Variants in LRBA observed in about 807,000 individuals in gnomAD.
The protein encoded by LRBA is LPS responsive beige-like anchor protein.
Under a neutral mutation model 330.0 loss-of-function variants are expected in LRBA, and 176 were observed. The observed-to-expected ratio is 0.53, with a 90% CI of 0.47 to 0.60. The LOEUF (loss-of-function observed/expected upper bound fraction) is 0.60. LRBA is among the 20% of genes least tolerant of loss of function. The probability of loss-of-function intolerance (pLI) is 0.00; values close to 1 mark genes in which losing one functional copy is unlikely to be tolerated. For missense variants in LRBA, 3,259 were observed against 3,444.8 expected, an observed-to-expected ratio of 0.95 and a Z score of 1.35; for synonymous variants, 1,230 against 1,193.0, an observed-to-expected ratio of 1.03 and a Z score of -0.64.
intron 22 of LRBA, among the ~76,000 whole-genome samples, chr4:150,865,643 G>A (rs1752583107): frequency 6.6e-6 from 1 of 151,648 alleles, no homozygotes; most frequent in South Asian, 2.1e-4. Context: ...TGAATAATTT[G>A]TAGGAACTTT....
chr4:150,619,581 A>G (rs996339742), intron 37 of LRBA, among the ~76,000 whole-genome samples: 2 of 152,166 alleles, frequency 1.3e-5, no homozygotes, highest in Non-Finnish European at 2.9e-5. Flanking sequence ...ACCATCTTGT[A>G]ACAGTCTATT....
chr4:151,004,839 A>G (rs1743817286), intron 2 of LRBA, among the ~76,000 whole-genome samples: 1 of 152,092 alleles, frequency 6.6e-6, no homozygotes, highest in African/African-American at 2.4e-5. Context: ...ACAAAAAATT[A>G]GCCAGGCATG....
chr4:150,761,809 AG>A lies in LRBA; in HGVS notation c.5618del (p.Ala1873ValfsTer16). On this transcript the variant is annotated frameshift_variant, in exon 35 of 57. Coordinates refer to ENST00000651943, the MANE Select transcript of LRBA (RefSeq NM_001364905.1). LOFTEE classifies it high-confidence loss of function. The part of the protein sequence containing the change: ...QNSIQKNAGL[A>X]FIELVNEGRL... ...TTCCTTCATTGACAAGTTCGATAAA[AG>A]CAAGGCCTGCATTCTTCTGAATAGA... 1 of 1,550,994 alleles carries A rather than the reference AG, an allele frequency of 6.4e-7. No homozygotes were observed. Among genetic ancestry groups the A allele is most frequent in the Non-Finnish European group, 8.7e-7 (1 of 1,154,846 alleles).
At position 150,350,300 on chromosome 4, in the gene LRBA, A is replaced by G. The variant is rs13145548; in HGVS notation, c.7195-141T>C. 0.61 allele frequency: 377,577 copies of G among 621,082 alleles called. 116,578 individuals carry two copies. Among genetic ancestry groups the G allele is most frequent in the Non-Finnish European group, 0.64 (248,768 of 389,528 alleles). 38.5% of individuals were successfully genotyped at this position (621,082 alleles called of 1,614,324 possible). A position where few individuals can be genotyped will look rare whatever the true frequency, so the allele number is the denominator to read the frequency against. ...AAAAACAAAACTTGTGGCCGGGCGC[A>G]GTGGCTCACGCCTATAATCCCAGCA... On this transcript the variant is annotated intron_variant, in intron 47 of 56. Transcript: ENST00000651943.
At chr4:150,481,892 G>C (rs531295630) in intron 42 of LRBA, among the ~76,000 whole-genome samples, 1 of 152,112 alleles carries the variant, frequency 6.6e-6, no homozygotes, top group African/African-American at 2.4e-5. Context: ...ATTAATATTT[G>C]CTTAAAAGTA....
chr4:150,829,814 T>C (rs74405400), intron 29 of LRBA, among the ~76,000 whole-genome samples: 9,139 of 63,548 alleles, frequency 0.14, 837 homozygotes, highest in African/African-American at 0.29. Flanking sequence ...CTACAACTTA[T>C]CTTACATGTC....
At chr4:150,368,100 G>A (rs1739729191) in intron 47 of LRBA, among the ~76,000 whole-genome samples, 1 of 152,092 alleles carries the variant, frequency 6.6e-6, no homozygotes, top group Admixed American at 6.6e-5. Flanking sequence ...AATAACTCAA[G>A]GGGGTTAATC....
chr4:150,550,820 A>G (rs1766489137), intron 40 of LRBA, among the ~76,000 whole-genome samples: 1 of 152,232 alleles, frequency 6.6e-6, no homozygotes, highest in African/African-American at 2.4e-5. Context: ...CACGGAAAAT[A>G]GTTCTTTAAC....
intron 47 of LRBA, among the ~76,000 whole-genome samples, chr4:150,393,335 T>C (rs891226159): frequency 1.0e-4 from 15 of 147,166 alleles, no homozygotes; most frequent in Non-Finnish European, 1.8e-4. Context: ...GCTAAAATCT[T>C]TTTTTTTTTT....
intron 2 of LRBA, among the ~76,000 whole-genome samples, chr4:150,966,178 A>G (rs553192060): frequency 6.6e-6 from 1 of 152,336 alleles, no homozygotes; most frequent in East Asian, 1.9e-4. Flanking sequence ...ACTGCAGTGG[A>G]AGATGGTAGA....
At chr4:150,423,778 G>GGTTA (rs1000484151) in intron 46 of LRBA, 3 of 163,290 alleles carry the variant, frequency 1.8e-5, no homozygotes, top group African/African-American at 7.2e-5. Context: ...CGCCCCTGTA[G>GGTTA]GTTAGTTCTT....
chr4:150,664,393 G>A (rs551300457), intron 37 of LRBA, among the ~76,000 whole-genome samples: 1 of 152,242 alleles, frequency 6.6e-6, no homozygotes, highest in Admixed American at 6.5e-5. Context: ...AACAGACCAG[G>A]AAATGTATAA....
At chr4:150,544,140 T>C (rs76808377) in intron 40 of LRBA, among the ~76,000 whole-genome samples, 13 of 151,848 alleles carry the variant, frequency 8.6e-5, no homozygotes, top group African/African-American at 2.9e-4. Context: ...TTTTTTTTTT[T>C]CTTTCAAGAC....
chr4:150,583,618 C>T lies in LRBA; in HGVS notation c.6330+4430G>A, dbSNP rs751526142. On this transcript the variant is annotated intron_variant, in intron 40 of 56. Transcript: ENST00000651943. The surrounding 1 kb of genome is among the most constrained non-coding windows in gnomAD (Gnocchi z 9.8). ...TATGCCCCACATCCCTTGGCCCGGC[C>T]CCAATCGGGTGGCCGAGGTCAAGGC... 3.7e-6 allele frequency: 6 copies of T among 1,614,006 alleles called. No homozygotes were observed. The Admixed American group carries it at 6.7e-5, about 18-fold the overall frequency.
At chr4:150,452,498 T>G (rs1753472810) in intron 44 of LRBA, among the ~76,000 whole-genome samples, 1 of 151,928 alleles carries the variant, frequency 6.6e-6, no homozygotes, top group Non-Finnish European at 1.5e-5. Context: ...GGTGTGCACC[T>G]ATAGTGTCAG....
At chr4:150,801,097 T>A (rs1741545494) in intron 33 of LRBA, among the ~76,000 whole-genome samples, 1 of 152,266 alleles carries the variant, frequency 6.6e-6, no homozygotes, top group East Asian at 1.9e-4. Context: ...TTGTTTTTTG[T>A]ATTTAAGTCA....
chr4:150,936,038 C>T (rs1735049424), intron 2 of LRBA, among the ~76,000 whole-genome samples: 1 of 149,790 alleles, frequency 6.7e-6, no homozygotes. Context: ...AAGACATGAA[C>T]AGTCAATTCA....
chr4:150,840,234 G>C (rs1354108509), intron 28 of LRBA, among the ~76,000 whole-genome samples: 1 of 152,152 alleles, frequency 6.6e-6, no homozygotes, highest in Non-Finnish European at 1.5e-5. Context: ...TTGCTCACTG[G>C]AGTAATCGTT....
At chr4:150,413,621 T>C (rs1443817986) in intron 47 of LRBA, among the ~76,000 whole-genome samples, 1 of 152,166 alleles carries the variant, frequency 6.6e-6, no homozygotes, top group South Asian at 2.1e-4. Flanking sequence ...GAGCCGGCAG[T>C]GGAAGCAGAG....
Sources: gnomAD v4.1 joint callset for allele counts (sites outside exome capture counted in the v4.1 genomes callset) on GRCh38, gnomAD v4.1.1 for gene constraint, Gnocchi (gnomAD v3.1) non-coding constraint, MANE v1.5 for transcripts, NCBI Gene and HGNC (gene_info 2026-07-23, HGNC 2026-07-21) for gene names.